The following PTGES variants were observed in gnomAD, a reference collection of about 807,000 sequenced individuals.
PTGES encodes prostaglandin E synthase, also known as MGST1-like 1.
PTGES carries 3 observed loss-of-function variants against 11.8 expected under a neutral mutation model. The ratio of observed to expected loss-of-function variants is 0.25; its 90% CI spans 0.12 to 0.66. The LOEUF is 0.66. Ranked by LOEUF, PTGES falls within the 30% of genes least tolerant of loss-of-function variation. The pLI, the probability that PTGES is intolerant of heterozygous loss-of-function variation, is 0.82. For synonymous variants in PTGES, 94 were observed against 90.4 expected, an observed-to-expected ratio of 1.04 and a Z score of -0.22; for missense variants, 180 against 213.0, an observed-to-expected ratio of 0.85 and a Z score of 0.96.
At chr9:129,740,712 T>C (rs1320477909) in intron 2 of PTGES, among the ~76,000 whole-genome samples, 3 of 152,060 alleles carry the variant, frequency 2.0e-5, no homozygotes, top group Admixed American at 6.6e-5. Flanking sequence ...TTTTCCAGAC[T>C]CCTACTAATG....
rs1832978835 is a variant in PTGES, at chr9:129,739,878, G to A, written c.210-18C>T. 1.3e-6 allele frequency: 2 copies of A among 1,559,646 alleles called. No homozygotes were observed. The highest frequency in any genetic ancestry group is 1.7e-6 in the Non-Finnish European group (2 of 1,150,962). On this transcript the variant is annotated intron_variant, in intron 2 of 2. Coordinates refer to ENST00000340607, the MANE Select transcript of PTGES (RefSeq NM_004878.5). The surrounding 1 kb of genome is among the most constrained non-coding windows in gnomAD (Gnocchi z 5.7). ...GGTGGGCCCTGGGGAGACAAGAGGG[G>A]TGCGGTCAGCCAGGTATTAGCTTTG...
rs971729650 is a variant in PTGES at position 129,752,815 on chromosome 9, C to A, written c.126+72G>T. On this transcript the variant is annotated intron_variant, in intron 1 of 2. Transcript: ENST00000340607. ...ACACCTTGGCCATGTTTCCCTATCC[C>A]GGGGCTTTCCTGACAGGACGTGGAG... The A allele has an allele frequency of 3.1e-6, 5 of 1,609,866 alleles. No individual in the cohort carries two copies. The Admixed American group carries it at 8.3e-5, about 27-fold the overall frequency.
chr9:129,752,949 G>A lies in PTGES; in HGVS notation c.64C>T (p.Leu22=), dbSNP rs1294836807. Residue 22 remains leucine, a synonymous_variant, in exon 1 of 3, where the codon CTG becomes TTG. Coordinates refer to ENST00000340607, the MANE Select transcript of PTGES (RefSeq NM_004878.5). ...ALPAFLLCST[L]LVIKMYVVAI... ...ACCACGTACATCTTGATGACCAGCA[G>A]CGTGCTGCAGAGCAGGAAGGCCGGG... 5 of 1,613,036 alleles carry A rather than the reference G, an allele frequency of 3.1e-6. No individual in the cohort carries two copies. The highest frequency in any genetic ancestry group is 4.2e-6 in the Non-Finnish European group (5 of 1,180,038).
chr9:129,741,498 C>T (rs992821420), intron 2 of PTGES, among the ~76,000 whole-genome samples: 1 of 152,190 alleles, frequency 6.6e-6, no homozygotes, highest in Admixed American at 6.6e-5. Context: ...GCAACCCAGA[C>T]ACAAGGAAAG....
At chr9:129,749,432 G>C (rs1292802537) in intron 1 of PTGES, 1 of 152,826 alleles carries the variant, frequency 6.5e-6, no homozygotes, top group African/African-American at 2.4e-5. Context: ...TGGATCACTT[G>C]AGCTCAGGAG....
chr9:129,746,082 C>A (rs986806986), intron 2 of PTGES, among the ~76,000 whole-genome samples: 1 of 151,998 alleles, frequency 6.6e-6, no homozygotes, highest in Non-Finnish European at 1.5e-5. Flanking sequence ...CGGCGCCACC[C>A]GGGTCTATCG....
At chr9:129,752,303 C>T (rs1490798108) in intron 1 of PTGES, among the ~76,000 whole-genome samples, 4 of 152,340 alleles carry the variant, frequency 2.6e-5, no homozygotes, top group South Asian at 2.1e-4. Flanking sequence ...GTGTGACGGA[C>T]GCTACTGGAA....
At position 129,739,673 on chromosome 9, in the gene PTGES, C is replaced by G. The variant is rs202113472; in HGVS notation, c.397G>C (p.Ala133Pro). Residue 133 changes from alanine (A) to proline (P), a missense_variant, in exon 3 of 3, where the codon GCC (alanine) becomes CCC (proline). By Grantham distance (27) the Ala-to-Pro change is conservative (BLOSUM62 -1). Transcript: ENST00000340607. This position sits in a 1 kb window ranked among gnomAD's most constrained non-coding sequence, Gnocchi z 5.7. ...GCCATGGAGGCGCAGGGGAGCTGGG[C>G]CAGGGTGTAGGTCACGGAGCGGATG... ...APIRSVTYTL[A>P]QLPCASMALQ... 1.3e-6 allele frequency: 2 copies of G among 1,560,032 alleles called. No individual in the cohort carries two copies. The highest frequency in any genetic ancestry group is 2.7e-5 in the African/African-American group (2 of 73,594).
At position 129,739,882 on chromosome 9, in the gene PTGES, G is replaced by A. The variant is rs202156870; in HGVS notation, c.210-22C>T. On this transcript the variant is annotated intron_variant, in intron 2 of 2. Transcript: ENST00000340607. The surrounding 1 kb of genome is among the most constrained non-coding windows in gnomAD (Gnocchi z 5.7). ...GGCCCTGGGGAGACAAGAGGGGTGC[G>A]GTCAGCCAGGTATTAGCTTTGGGGC... The A allele has an allele frequency of 6.0e-5, 93 of 1,556,712 alleles. No homozygotes were observed. The African/African-American group carries it at 1.1e-3, about 18-fold the overall frequency.
At chr9:129,741,710 A>C (rs1375637947) in intron 2 of PTGES, among the ~76,000 whole-genome samples, 2 of 151,916 alleles carry the variant, frequency 1.3e-5, no homozygotes, top group Non-Finnish European at 2.9e-5. Flanking sequence ...GTTCGAGACC[A>C]GCCTGGCCAA....
Position 129,739,957 on chromosome 9 carries a change from T to G in PTGES, c.210-97A>C. The G allele has an allele frequency of 7.1e-7, 1 of 1,403,118 alleles. No homozygotes were observed. Among genetic ancestry groups the G allele is most frequent in the Non-Finnish European group, 9.6e-7 (1 of 1,044,508 alleles). The allele number at this position is 1,403,118 out of a possible 1,614,324, so 86.9% of individuals were successfully genotyped here. On this transcript the variant is annotated intron_variant, in intron 2 of 2. Transcript: ENST00000340607. This position sits in a 1 kb window ranked among gnomAD's most constrained non-coding sequence, Gnocchi z 5.7. ...GGAAGCTGGGGGTGCTTTGACCCAC[T>G]GGGGGTCATTTCAGGCATATCACAC...
At chr9:129,741,151 A>C (rs1427650611) in intron 2 of PTGES, among the ~76,000 whole-genome samples, 1 of 152,202 alleles carries the variant, frequency 6.6e-6, no homozygotes, top group Non-Finnish European at 1.5e-5. Context: ...GGAAGGAGAC[A>C]TATGTGCAGA....
In PTGES at chr9:129,752,954, C is replaced by T; in HGVS notation, c.59G>A (p.Ser20Asn). Residue 20 changes from serine to asparagine, a missense_variant, in exon 1 of 3, where the codon AGC becomes AAC. Ser to Asn is a conservative substitution (Grantham distance 46). Coordinates refer to ENST00000340607, the MANE Select transcript of PTGES (RefSeq NM_004878.5). Reference sequence around the variant, plus strand: ...GTACATCTTGATGACCAGCAGCGTGCTGCAGAGCAGGAAGGCCGGGAGGGC... The same window carrying T: ...GTACATCTTGATGACCAGCAGCGTGTTGCAGAGCAGGAAGGCCGGGAGGGC... ...SPALPAFLLCSTLLVIKMYVV... is the reference protein window; with the variant it reads ...SPALPAFLLCNTLLVIKMYVV... 2 of 1,612,810 alleles carry T rather than the reference C, an allele frequency of 1.2e-6. No individual in the cohort carries two copies. The highest frequency in any genetic ancestry group is 8.5e-7 in the Non-Finnish European group (1 of 1,180,036).
At position 129,748,685 on chromosome 9, in the gene PTGES, C is replaced by G; in HGVS notation, c.179G>C (p.Arg60Thr). 1 of 1,585,608 alleles carries G rather than the reference C, an allele frequency of 6.3e-7. No homozygotes were observed. Among genetic ancestry groups the G allele is most frequent in the Non-Finnish European group, 8.5e-7 (1 of 1,169,672 alleles). ...GCAGCGTTCCACGTCGGGGTCGCTC[C>G]TGCAATACTGGGGGCCTCCGTGTCT... ...ALRHGGPQYC[R>T]SDPDVERCLR... The change falls in exon 2 of 3, where the codon AGG becomes ACG. Residue 60 changes from arginine to threonine, a missense_variant. By Grantham distance (71) the Arg-to-Thr change is moderately conservative. Coordinates refer to ENST00000340607, the MANE Select transcript of PTGES (RefSeq NM_004878.5).
intron 1 of PTGES, among the ~76,000 whole-genome samples, chr9:129,749,144 C>T (rs895339080): frequency 6.6e-6 from 1 of 152,220 alleles, no homozygotes; most frequent in Non-Finnish European, 1.5e-5. Context: ...GTAATCCCAG[C>T]ACTTCGGAAG....
chr9:129,747,059 C>T (rs924563154), intron 2 of PTGES, among the ~76,000 whole-genome samples: 3 of 152,170 alleles, frequency 2.0e-5, no homozygotes, highest in African/African-American at 7.2e-5. Flanking sequence ...ACTACGGGCC[C>T]GTGCCACCAT....
intron 1 of PTGES, among the ~76,000 whole-genome samples, chr9:129,749,322 A>T (rs1271141087): frequency 1.3e-5 from 2 of 151,712 alleles, no homozygotes; most frequent in Non-Finnish European, 2.9e-5. Flanking sequence ...TTTGAGACCA[A>T]CCCGGGCAAC....
intron 1 of PTGES, among the ~76,000 whole-genome samples, chr9:129,751,344 A>T (rs1325331230): frequency 4.5e-4 from 41 of 92,124 alleles, no homozygotes; most frequent in Middle Eastern, 0.011. Context: ...AATAATAATT[A>T]AAAAAAAAAA....
intron 1 of PTGES, among the ~76,000 whole-genome samples, chr9:129,752,285 G>A (rs1367049720): frequency 6.6e-6 from 1 of 152,174 alleles, no homozygotes; most frequent in African/African-American, 2.4e-5. Context: ...TTGCAGACTC[G>A]CCAACCAGTG....
Sources: gnomAD v4.1 joint callset for allele counts (sites outside exome capture counted in the v4.1 genomes callset) on GRCh38, gnomAD v4.1.1 for gene constraint, Gnocchi (gnomAD v3.1) non-coding constraint, MANE v1.5 for transcripts, NCBI Gene and HGNC (gene_info 2026-07-23, HGNC 2026-07-21) for gene names.